FARP2: variants seen among roughly 807,000 people sequenced by gnomAD.
FARP2 encodes the protein FERM, ARH/RhoGEF and pleckstrin domain protein 2, also known as FERM, ARHGEF and pleckstrin domain-containing protein 2.
FARP2 carries 111 observed loss-of-function variants against 130.5 expected under a neutral mutation model. The ratio of observed to expected loss-of-function variants is 0.85; its 90% CI spans 0.73 to 1.00. The LOEUF is 1.00. Ranked by LOEUF, FARP2 falls within the 50% of genes least tolerant of loss-of-function variation. The pLI is 0.00. For synonymous variants in FARP2, 504 were observed against 516.9 expected, an observed-to-expected ratio of 0.98 and a Z score of 0.34; for missense variants, 1,385 against 1,346.3, an observed-to-expected ratio of 1.03 and a Z score of -0.45.
At chr2:241,439,204 G>A (rs1390449638) in intron 12 of FARP2, among the ~76,000 whole-genome samples, 2 of 151,380 alleles carry the variant, frequency 1.3e-5, no homozygotes, top group African/African-American at 4.9e-5. Flanking sequence ...TTTTTGTAGA[G>A]ACAGAGTCTC....
intron 8 of FARP2, among the ~76,000 whole-genome samples, chr2:241,428,754 T>C (rs2063020981): frequency 6.6e-6 from 1 of 152,120 alleles, no homozygotes; most frequent in South Asian, 2.1e-4. Flanking sequence ...TCAGAACGTT[T>C]TCATCATCCC....
rs763540978 is a variant in FARP2 at position 241,493,373 on chromosome 2, C to CTA, written c.2978_2979dup (p.Val994MetfsTer28). ...GGGAGGCCGATGGCATACACAAAGA[C>CTA]TATGTTTTCAAGCTCCAGTTCAAAT... On this transcript the variant is annotated frameshift_variant, in exon 26 of 27. Transcript: ENST00000264042. LOFTEE classifies it high-confidence loss of function. The CTA allele has an allele frequency of 6.2e-7, 1 of 1,614,034 alleles. No homozygotes were observed. The highest frequency in any genetic ancestry group is 1.7e-5 in the Admixed American group (1 of 60,024).
chr2:241,437,821 C>T (rs1027079994), intron 12 of FARP2, among the ~76,000 whole-genome samples: 15 of 151,890 alleles, frequency 9.9e-5, no homozygotes, highest in East Asian at 1.9e-4. Flanking sequence ...CCCGCCACCA[C>T]GCCTGGCTAA....
chr2:241,408,307 G>A (rs534634464), intron 5 of FARP2, among the ~76,000 whole-genome samples: 269 of 152,212 alleles, frequency 1.8e-3, no homozygotes, highest in African/African-American at 6.3e-3. Flanking sequence ...GAGAGGCGGA[G>A]TTTGCAGTGA....
chr2:241,394,050 AGT>A (rs1434253301), intron 2 of FARP2, among the ~76,000 whole-genome samples: 2 of 152,226 alleles, frequency 1.3e-5, no homozygotes, highest in East Asian at 3.9e-4. Flanking sequence ...GGATGATGCC[AGT>A]GCTCTAACTG....
chr2:241,445,653 AC>A (rs1337353961), intron 13 of FARP2: 3 of 152,170 alleles, frequency 2.0e-5, no homozygotes, highest in Non-Finnish European at 4.4e-5. Flanking sequence ...GGCCTGATAA[AC>A]CCTGAAATTG....
At chr2:241,465,702 C>G in intron 17 of FARP2, 1 of 1,550,936 alleles carries the variant, frequency 6.4e-7, no homozygotes, top group Non-Finnish European at 8.7e-7. Context: ...ACGTGACCGC[C>G]CAAGGTGTGG....
intron 1 of FARP2, among the ~76,000 whole-genome samples, chr2:241,368,435 C>T (rs1221209787): frequency 6.6e-6 from 1 of 152,020 alleles, no homozygotes; most frequent in Non-Finnish European, 1.5e-5. Flanking sequence ...ATGGCCTTGC[C>T]GTGTTCCTAG....
At chr2:241,357,645 C>T (rs2061098913) in intron 1 of FARP2, among the ~76,000 whole-genome samples, 1 of 152,160 alleles carries the variant, frequency 6.6e-6, no homozygotes. Context: ...ACCTAGGGTA[C>T]TTGCAAATAC....
intron 17 of FARP2, chr2:241,466,303 A>G (rs2064167795): frequency 1.0e-6 from 1 of 985,396 alleles, no homozygotes; most frequent in Non-Finnish European, 1.2e-6. Context: ...CTTGTCTTGG[A>G]AAGAGGGGCC....
intron 2 of FARP2, among the ~76,000 whole-genome samples, chr2:241,403,467 G>A (rs755242494): frequency 6.6e-6 from 1 of 152,190 alleles, no homozygotes; most frequent in African/African-American, 2.4e-5. Context: ...ACCCACCTCA[G>A]CCTCAAATTG....
intron 22 of FARP2, among the ~76,000 whole-genome samples, chr2:241,490,441 C>T (rs1352901097): frequency 1.4e-5 from 2 of 144,720 alleles, no homozygotes; most frequent in Admixed American, 1.3e-4. Context: ...GGGCAGCTTA[C>T]ACCCAGCCCA....
intron 12 of FARP2, among the ~76,000 whole-genome samples, chr2:241,439,496 A>AT (rs887488632): frequency 1.9e-4 from 29 of 151,938 alleles, no homozygotes; most frequent in African/African-American, 7.0e-4. Flanking sequence ...TGCCTGGCTG[A>AT]TTTTTTGTAT....
chr2:241,484,428 C>A, intron 21 of FARP2, 97 bp downstream of exon 21: 1 of 934,218 alleles, frequency 1.1e-6, no homozygotes, highest in Non-Finnish European at 1.7e-6. Flanking sequence ...CCCAGCAACA[C>A]TGAGAGCAGC....
At chr2:241,425,634 T>TAA (rs1167925220) in intron 8 of FARP2, among the ~76,000 whole-genome samples, 843 of 45,972 alleles carry the variant, frequency 0.018, 35 homozygotes, top group African/African-American at 0.041. Context: ...TCCTACCAAG[T>TAA]AAAAAAAAAA....
At chr2:241,484,660 A>G (rs757452669) in intron 21 of FARP2, among the ~76,000 whole-genome samples, 4 of 152,206 alleles carry the variant, frequency 2.6e-5, no homozygotes, top group Non-Finnish European at 4.4e-5. Context: ...CTGCAGCAGC[A>G]TCTTCCTCAG....
chr2:241,426,214 G>T (rs1431863379), intron 8 of FARP2, among the ~76,000 whole-genome samples: 1 of 152,172 alleles, frequency 6.6e-6, no homozygotes, highest in Admixed American at 6.5e-5. Context: ...GGGAGAGAGG[G>T]TAGACCAGGG....
At chr2:241,437,670 A>ATTTTTTTTTTT (rs763025047) in intron 12 of FARP2, among the ~76,000 whole-genome samples, 6 of 133,110 alleles carry the variant, frequency 4.5e-5, no homozygotes, top group Non-Finnish European at 7.9e-5. Flanking sequence ...TTATTTATTT[A>ATTTTTTTTTTT]TTTTTTTTTT....
chr2:241,423,948 A>G (rs766845252), intron 8 of FARP2, among the ~76,000 whole-genome samples: 6 of 152,206 alleles, frequency 3.9e-5, no homozygotes, highest in Non-Finnish European at 7.3e-5. Flanking sequence ...GAGCCCCCAG[A>G]TTCATAAAGC....
Sources: gnomAD v4.1 joint callset for allele counts (sites outside exome capture counted in the v4.1 genomes callset) on GRCh38, gnomAD v4.1.1 for gene constraint, MANE v1.5 for transcripts, NCBI Gene and HGNC (gene_info 2026-07-23, HGNC 2026-07-21) for gene names.